DENND5B: variants seen among roughly 807,000 people sequenced by gnomAD.
DENND5B encodes the protein DENN domain-containing protein 5B.
DENND5B carries 34 observed loss-of-function variants against 140.6 expected under a neutral mutation model. The observed-to-expected ratio is 0.24, with a 90% CI of 0.18 to 0.32. The LOEUF (loss-of-function observed/expected upper bound fraction) is 0.32, where lower values mean the gene tolerates loss of function less well. Among genes scored for constraint, DENND5B ranks in the 10% least tolerant of loss-of-function variants. DENND5B has a pLI of 1.00. For synonymous variants in DENND5B, 551 were observed against 562.1 expected (o/e 0.98, Z 0.28); for missense variants, 1,142 against 1,560.2 (o/e 0.73, Z 4.52).
At chr12:31,552,783 G>A (rs933154303) in intron 1 of DENND5B, among the ~76,000 whole-genome samples, 2 of 152,042 alleles carry the variant, frequency 1.3e-5, no homozygotes, top group Non-Finnish European at 2.9e-5. Context: ...ACTTCTTCCT[G>A]GTTTAGTCTT....
intron 8 of DENND5B, among the ~76,000 whole-genome samples, chr12:31,431,366 G>A (rs1234462599): frequency 6.6e-6 from 1 of 152,156 alleles, no homozygotes; most frequent in African/African-American, 2.4e-5. Flanking sequence ...AGATTTCTAA[G>A]TTGCTTGTTG....
intron 1 of DENND5B, among the ~76,000 whole-genome samples, chr12:31,524,288 T>G (rs1385060776): frequency 1.3e-5 from 2 of 152,210 alleles, no homozygotes; most frequent in Non-Finnish European, 2.9e-5. Context: ...AATGTCACTG[T>G]GACAGTCCTA....
rs575189043 is a variant in DENND5B at position 31,450,669 on chromosome 12, C to T, written c.1629+1271G>A. ...CATGCCCAGCCACTATGTACCTTTACGAAAATTTTTCATTATTTCCAAAAA... is the reference window on the plus strand; with the variant it reads ...CATGCCCAGCCACTATGTACCTTTATGAAAATTTTTCATTATTTCCAAAAA... On this transcript the variant is annotated intron_variant, in intron 5 of 20. Transcript: ENST00000389082. 5.9e-5 allele frequency among the ~76,000 whole-genome samples: 9 copies of T among 152,182 alleles called. No individual in the cohort carries two copies. In the East Asian group the frequency reaches 7.7e-4, roughly 13 times the overall value.
intron 1 of DENND5B, among the ~76,000 whole-genome samples, chr12:31,525,817 C>T (rs920562795): frequency 6.6e-6 from 1 of 152,046 alleles, no homozygotes; most frequent in Non-Finnish European, 1.5e-5. Context: ...CATGGAGAAA[C>T]CCCTTCTCTA....
chr12:31,448,165 G>A (rs936494327), intron 5 of DENND5B, among the ~76,000 whole-genome samples: 6 of 150,390 alleles, frequency 4.0e-5, no homozygotes, highest in African/African-American at 9.8e-5. Flanking sequence ...ATGGAGTCTC[G>A]CTCTGTCGCC....
In DENND5B at chr12:31,383,270, T is replaced by C. The variant is rs555105099; in HGVS notation, c.*4333A>G. The C allele has an allele frequency of 2.6e-5, 4 of 152,320 alleles. No individual in the cohort carries two copies. The highest frequency in any genetic ancestry group is 2.6e-4 in the Admixed American group (4 of 15,294). The allele number at this position is 152,320 out of a possible 1,614,324, so 9.4% of individuals were successfully genotyped here. On this transcript the variant is annotated 3_prime_UTR_variant, in exon 21 of 21. Coordinates refer to ENST00000389082, the MANE Select transcript of DENND5B (RefSeq NM_144973.4). Reference sequence around the variant, plus strand: ...ACTCCTAATGTTGTGAAATAAATATTTCCCTGGAAATTTGAGGTCCTTGTC... The same window carrying C: ...ACTCCTAATGTTGTGAAATAAATATCTCCCTGGAAATTTGAGGTCCTTGTC...
intron 1 of DENND5B, among the ~76,000 whole-genome samples, chr12:31,536,717 C>T (rs1268850126): frequency 6.6e-6 from 1 of 151,894 alleles, no homozygotes; most frequent in Non-Finnish European, 1.5e-5. Context: ...TTATCAATAT[C>T]CAAATATAAG....
At chr12:31,464,385 A>T (rs1415949100) in intron 3 of DENND5B, among the ~76,000 whole-genome samples, 1 of 151,914 alleles carries the variant, frequency 6.6e-6, no homozygotes, top group Non-Finnish European at 1.5e-5. Flanking sequence ...CTTCCCTAAC[A>T]CTTCTTATTA....
intron 1 of DENND5B, among the ~76,000 whole-genome samples, chr12:31,502,374 T>C (rs188808401): frequency 7.9e-5 from 12 of 152,312 alleles, no homozygotes; most frequent in Admixed American, 3.3e-4. Flanking sequence ...CTACCTTTTA[T>C]AAATCATGTT....
chr12:31,403,798 A>G (rs1016721897), intron 14 of DENND5B, among the ~76,000 whole-genome samples: 1 of 143,932 alleles, frequency 6.9e-6, no homozygotes, highest in African/African-American at 2.6e-5. Context: ...CAGGAGGCTG[A>G]GGCAGGAGAA....
intron 6 of DENND5B, among the ~76,000 whole-genome samples, chr12:31,446,136 T>G (rs1944265792): frequency 6.6e-6 from 1 of 152,134 alleles, no homozygotes; most frequent in Non-Finnish European, 1.5e-5. Context: ...TGGCTAAGAC[T>G]CAGATTTAAC....
chr12:31,581,951 C>A (rs1950222758), intron 1 of DENND5B, among the ~76,000 whole-genome samples: 2 of 151,966 alleles, frequency 1.3e-5, no homozygotes, highest in South Asian at 4.1e-4. Flanking sequence ...AGTTATAATA[C>A]TCAGTACGAT....
chr12:31,475,983 A>C (rs1002046871), intron 3 of DENND5B, among the ~76,000 whole-genome samples: 6 of 151,976 alleles, frequency 3.9e-5, no homozygotes, highest in African/African-American at 1.5e-4. Context: ...GAAATTAGCC[A>C]GGCATGGTGG....
chr12:31,451,608 C>T, intron 5 of DENND5B: 1 of 265,690 alleles, frequency 3.8e-6, no homozygotes, highest in Non-Finnish European at 7.2e-6. Flanking sequence ...CAGGCATGAG[C>T]CACCGTGCCC....
At chr12:31,502,499 C>T (rs1056476493) in intron 1 of DENND5B, among the ~76,000 whole-genome samples, 2 of 152,066 alleles carry the variant, frequency 1.3e-5, no homozygotes, top group East Asian at 3.8e-4. Flanking sequence ...ACTACTGTAA[C>T]GACACAGGCT....
At chr12:31,434,785 T>G (rs1943667016) in intron 7 of DENND5B, among the ~76,000 whole-genome samples, 2 of 152,092 alleles carry the variant, frequency 1.3e-5, no homozygotes, top group African/African-American at 2.4e-5. Flanking sequence ...AACATGCAAC[T>G]TCACCTCCAC....
intron 1 of DENND5B, among the ~76,000 whole-genome samples, chr12:31,508,549 A>C (rs1426712334): frequency 6.6e-6 from 1 of 152,226 alleles, no homozygotes. Flanking sequence ...TAAATATGTT[A>C]GAAACGAGAC....
intron 2 of DENND5B, among the ~76,000 whole-genome samples, chr12:31,491,313 C>T (rs975565636): frequency 1.3e-5 from 2 of 151,978 alleles, no homozygotes; most frequent in African/African-American, 2.4e-5. Flanking sequence ...ATTAGCCAGG[C>T]GTGATGGTGC....
chr12:31,590,698 G>C lies in DENND5B; in HGVS notation c.127+8C>G, dbSNP rs756512274. ...GGGGGCTCAGCGCCGCCGCAGCCCT[G>C]GCCTTACCCGCCAGCTCGTCAGGCT... On this transcript the variant is annotated splice_region_variant and intron_variant, in intron 1 of 20. Transcript: ENST00000389082. 3.2e-5 allele frequency: 47 copies of C among 1,472,740 alleles called. No individual in the cohort carries two copies. The highest frequency in any genetic ancestry group is 3.8e-5 in the Non-Finnish European group (43 of 1,117,610). 91.2% of individuals were successfully genotyped at this position (1,472,740 alleles called of 1,614,324 possible). A position where few individuals can be genotyped will look rare whatever the true frequency, so the allele number is the denominator to read the frequency against.
Sources: gnomAD v4.1 joint callset for allele counts (sites outside exome capture counted in the v4.1 genomes callset) on GRCh38, gnomAD v4.1.1 for gene constraint, MANE v1.5 for transcripts, NCBI Gene and HGNC (gene_info 2026-07-23, HGNC 2026-07-21) for gene names.